Variants in AP1B1 observed in about 807,000 individuals in gnomAD.
The protein encoded by AP1B1 is AP-1 complex subunit beta-1.
AP1B1 carries 36 observed loss-of-function variants against 104.3 expected under a neutral mutation model. That is an observed-to-expected ratio of 0.35 (90% confidence interval 0.26 to 0.46). AP1B1 has a LOEUF of 0.46. Ranked by LOEUF, AP1B1 falls within the 20% of genes least tolerant of loss-of-function variation. The pLI, the probability that AP1B1 is intolerant of heterozygous loss-of-function variation, is 1.00. For synonymous variants in AP1B1, 504 were observed against 517.5 expected (o/e 0.97, Z 0.35); for missense variants, 901 against 1,247.9 (o/e 0.72, Z 4.19).
intron 7 of AP1B1, among the ~76,000 whole-genome samples, chr22:29,352,696 G>C (rs1288490931): frequency 6.6e-6 from 1 of 152,152 alleles, no homozygotes; most frequent in Non-Finnish European, 1.5e-5. Context: ...TGGGAGGCTG[G>C]GGCAGGAGGA....
chr22:29,328,762 C>T lies in AP1B1; in HGVS notation c.*59G>A, dbSNP rs533677242. Reference sequence around the variant, plus strand: ...TCCTGCGAGGAGGAAGATGTGCTGCCCCCGAGGGGCCTCCTCGATGGGGCG... The same window carrying T: ...TCCTGCGAGGAGGAAGATGTGCTGCTCCCGAGGGGCCTCCTCGATGGGGCG... On this transcript the variant is annotated 3_prime_UTR_variant, in exon 23 of 23. Coordinates refer to ENST00000357586, the MANE Select transcript of AP1B1 (RefSeq NM_001127.4). The surrounding 1 kb of genome is among the most constrained non-coding windows in gnomAD (Gnocchi z 4.1). 101 of 1,562,414 alleles carry T rather than the reference C, an allele frequency of 6.5e-5. No individual in the cohort carries two copies. In the South Asian group the frequency reaches 9.7e-4, roughly 15 times the overall value.
At chr22:29,337,448 C>T (rs1341858692) in intron 16 of AP1B1, among the ~76,000 whole-genome samples, 1 of 152,138 alleles carries the variant, frequency 6.6e-6, no homozygotes, top group Non-Finnish European at 1.5e-5. Context: ...GTGCAGCTGG[C>T]ATATGGTGGG....
intron 16 of AP1B1, among the ~76,000 whole-genome samples, chr22:29,337,388 G>T (rs530033257): frequency 1.3e-5 from 2 of 152,336 alleles, no homozygotes; most frequent in East Asian, 3.9e-4. Context: ...TCTGCTGTGG[G>T]CCTCTCAGTG....
At chr22:29,337,640 C>A (rs989655643) in intron 16 of AP1B1, among the ~76,000 whole-genome samples, 2 of 152,142 alleles carry the variant, frequency 1.3e-5, no homozygotes, top group Admixed American at 6.5e-5. Flanking sequence ...CCTGGTTGGT[C>A]CCCTCTGGCA....
At chr22:29,380,631 T>C (rs2062421552) in intron 1 of AP1B1, among the ~76,000 whole-genome samples, 3 of 152,144 alleles carry the variant, frequency 2.0e-5, no homozygotes, top group East Asian at 3.8e-4. Flanking sequence ...TACTCTCCTT[T>C]AAATCTATCG....
chr22:29,363,000 C>T lies in AP1B1; in HGVS notation c.143+1G>A. 6.2e-7 allele frequency: 1 copy of T among 1,612,028 alleles called. No individual in the cohort carries two copies. The highest frequency in any genetic ancestry group is 8.5e-7 in the Non-Finnish European group (1 of 1,178,060). ...CTGCCACCAGGCCTACTCCTGCACACCTGACATCTTTGCCCACGGTCATCG... is the reference window on the plus strand; with the variant it reads ...CTGCCACCAGGCCTACTCCTGCACATCTGACATCTTTGCCCACGGTCATCG... On this transcript the variant is annotated splice_donor_variant, in intron 3 of 22. Transcript: ENST00000357586. LOFTEE classifies it high-confidence loss of function.
chr22:29,365,321 A>G (rs1340329410), intron 2 of AP1B1, among the ~76,000 whole-genome samples: 10 of 152,130 alleles, frequency 6.6e-5, no homozygotes, highest in Admixed American at 2.6e-4. Flanking sequence ...TCTCTTCCCA[A>G]AAGAAATCCA....
At chr22:29,344,786 T>C (rs2061766847) in intron 11 of AP1B1, among the ~76,000 whole-genome samples, 1 of 152,106 alleles carries the variant, frequency 6.6e-6, no homozygotes, top group African/African-American at 2.4e-5. Flanking sequence ...CCCAAAGTAC[T>C]GGGATTACAG....
chr22:29,351,871 G>A (rs1569157974), intron 7 of AP1B1, 46 bp from the exon 8 acceptor site: 1 of 1,605,376 alleles, frequency 6.2e-7, no homozygotes, highest in East Asian at 2.2e-5. Flanking sequence ...CAAGGCTTAA[G>A]CCCTGTGAGA....
Position 29,331,480 on chromosome 22 carries a change from C to T in AP1B1, c.2493G>A (p.Leu831=). The part of the protein sequence containing the change: ...DVFYFSTLYP[L]HILFVEDGKM... Reference sequence around the variant, plus strand: ...TCCCGTCCTCCACAAAGAGGATGTGCAGTGGGTACAAGGTGCTGAAGTAGA... The same window carrying T: ...TCCCGTCCTCCACAAAGAGGATGTGTAGTGGGTACAAGGTGCTGAAGTAGA... The change falls in exon 19 of 23, where the codon CTG becomes CTA. Residue 831 remains leucine, a synonymous_variant. Transcript: ENST00000357586. The T allele has an allele frequency of 6.2e-7, 1 of 1,614,212 alleles. No individual in the cohort carries two copies. The highest frequency in any genetic ancestry group is 8.5e-7 in the Non-Finnish European group (1 of 1,180,032).
chr22:29,332,015 G>A (rs1569150648), intron 17 of AP1B1, 99 bp from the exon 18 acceptor site: 1 of 1,280,858 alleles, frequency 7.8e-7, no homozygotes, highest in Non-Finnish European at 1.1e-6. Context: ...GTGGTTGGCA[G>A]GGAGCCTCTC....
intron 11 of AP1B1, among the ~76,000 whole-genome samples, chr22:29,346,857 C>T (rs900288098): frequency 6.6e-6 from 1 of 152,152 alleles, no homozygotes; most frequent in African/African-American, 2.4e-5. Context: ...TGTTTTTGCT[C>T]ACCCAGCATC....
At chr22:29,335,247 C>T (rs1199157815) in intron 16 of AP1B1, among the ~76,000 whole-genome samples, 3 of 152,154 alleles carry the variant, frequency 2.0e-5, no homozygotes, top group African/African-American at 4.8e-5. Context: ...GGCTCACAAA[C>T]GCCTCTCAGG....
intron 7 of AP1B1, 142 bp downstream of exon 7, chr22:29,354,508 C>T: frequency 2.5e-6 from 2 of 801,746 alleles, no homozygotes; most frequent in South Asian, 1.8e-5. Context: ...GGCAAAGCTG[C>T]CACTTTGGTT....
intron 11 of AP1B1, among the ~76,000 whole-genome samples, chr22:29,345,002 G>A (rs978153315): frequency 6.6e-6 from 1 of 152,170 alleles, no homozygotes; most frequent in Admixed American, 6.5e-5. Flanking sequence ...GCAAAACATA[G>A]TGAGATTTCG....
Position 29,340,822 on chromosome 22 carries a change from G to C in AP1B1, c.1832C>G (p.Thr611Ser), listed in dbSNP as rs544892627. Residue 611 changes from threonine (T) to serine (S), a missense_variant, in exon 14 of 23, where the codon ACT becomes AGT. Around this residue, in one of 3 missense-constraint regions of AP1B1, gnomAD observed 424 missense variants for 494.0 expected, o/e 0.86. Transcript: ENST00000357586. Reference sequence around the variant, plus strand: ...TGGCTGCTCCCCAGGAGGTGCTCCAGTAGGGGCTGTCTCAGGGCTCTCTGC... The same window carrying C: ...TGGCTGCTCCCCAGGAGGTGCTCCACTAGGGGCTGTCTCAGGGCTCTCTGC... ...ESAESPETAP[T>S]GAPPGEQPDV... 1 of 1,599,072 alleles carries C rather than the reference G, an allele frequency of 6.3e-7. No homozygotes were observed. Among genetic ancestry groups the C allele is most frequent in the South Asian group, 1.1e-5 (1 of 87,668 alleles).
In AP1B1 at chr22:29,340,734, T is replaced by C. The variant is rs781672539; in HGVS notation, c.1920A>G (p.Pro640=). The change falls in exon 14 of 23, where the codon CCA becomes CCG. Residue 640 remains proline, a synonymous_variant. Coordinates refer to ENST00000357586, the MANE Select transcript of AP1B1 (RefSeq NM_001127.4). The stretch of plus-strand genomic sequence containing the variant: ...AGGTGGCCAGGGGTGGGCCGCTCAC[T>C]GGGGGGCCGAGGTCCAGGTTGAGGA... ...GDLLNLDLGP[P]VSGPPLATSS... is the part of the protein sequence containing the mutation. 2 of 1,595,246 alleles carry C rather than the reference T, an allele frequency of 1.3e-6. No homozygotes were observed. Among genetic ancestry groups the C allele is most frequent in the Non-Finnish European group, 1.7e-6 (2 of 1,171,952 alleles).
intron 3 of AP1B1, 52 bp from the exon 4 acceptor site, chr22:29,360,011 A>G (rs768534111): frequency 1.3e-5 from 21 of 1,583,260 alleles, no homozygotes; most frequent in Non-Finnish European, 1.6e-5. Context: ...AAGGAAGAGG[A>G]AGATTTTCAG....
In AP1B1 at chr22:29,350,124, C is replaced by A; in HGVS notation, c.1182G>T (p.Thr394=). The change falls in exon 10 of 23, where the codon ACG becomes ACT. Residue 394 remains threonine (T), a synonymous_variant. Transcript: ENST00000357586. ...CCTTGGTCTGGATGAGGTCGAGCAG[C>A]GTGCTCACACAGCGCTCCGCAGATT... ...VEQSAERCVS[T]LLDLIQTKVN... is the part of the protein sequence containing the mutation. 1 of 1,614,174 alleles carries A rather than the reference C, an allele frequency of 6.2e-7. No homozygotes were observed. The highest frequency in any genetic ancestry group is 8.5e-7 in the Non-Finnish European group (1 of 1,180,022).
Sources: gnomAD v4.1 joint callset for allele counts (sites outside exome capture counted in the v4.1 genomes callset) on GRCh38, gnomAD v4.1.1 for gene constraint, gnomAD v4.1.1 regional missense constraint, Gnocchi (gnomAD v3.1) non-coding constraint, MANE v1.5 for transcripts, NCBI Gene and HGNC (gene_info 2026-07-23, HGNC 2026-07-21) for gene names.